CNTLN: variants seen among roughly 807,000 people sequenced by gnomAD.
CNTLN encodes centlein, centrosomal protein.
CNTLN carries 212 observed loss-of-function variants against 180.0 expected under a neutral mutation model. That is an observed-to-expected ratio of 1.18 (90% CI 1.05 to 1.32). The LOEUF is 1.32. Among genes scored for constraint, CNTLN ranks in the 40% most tolerant of loss-of-function variants. CNTLN has a pLI of 0.00. For missense variants in CNTLN, 2,095 were observed against 1,610.9 expected (o/e 1.30, Z -5.14); for synonymous variants, 722 against 563.1 (o/e 1.28, Z -3.99).
chr9:17,284,381 C>G (rs935219292), intron 6 of CNTLN, among the ~76,000 whole-genome samples: 1 of 152,146 alleles, frequency 6.6e-6, no homozygotes, highest in South Asian at 2.1e-4. Context: ...AGCTGTAAAT[C>G]CACTGGTCAT....
intron 18 of CNTLN, among the ~76,000 whole-genome samples, chr9:17,421,062 A>G (rs56285315): frequency 0.023 from 3,545 of 152,256 alleles, 60 homozygotes; most frequent in Non-Finnish European, 0.039. Flanking sequence ...TTCTGTAAAT[A>G]TCTATGAGGT....
chr9:17,380,897 C>T (rs974853473), intron 13 of CNTLN, among the ~76,000 whole-genome samples: 2 of 152,212 alleles, frequency 1.3e-5, no homozygotes, highest in African/African-American at 4.8e-5. Flanking sequence ...GTCAAGTCCA[C>T]TTCTGCTCCA....
At chr9:17,471,729 T>G (rs2499048) in intron 23 of CNTLN, among the ~76,000 whole-genome samples, 140,125 of 152,090 alleles carry the variant, frequency 0.92, 65,702 homozygotes, top group East Asian at 1. Context: ...CCCTTTGAGG[T>G]GGCTTTAGAG....
At chr9:17,362,888 A>C (rs1163612696) in intron 12 of CNTLN, among the ~76,000 whole-genome samples, 2 of 151,772 alleles carry the variant, frequency 1.3e-5, no homozygotes, top group Non-Finnish European at 2.9e-5. Flanking sequence ...TCCCTCCCCT[A>C]GTCCCCCATA....
intron 2 of CNTLN, among the ~76,000 whole-genome samples, chr9:17,201,306 G>C (rs1822509092): frequency 1.3e-5 from 2 of 152,006 alleles, no homozygotes; most frequent in African/African-American, 4.8e-5. Flanking sequence ...TTTTTTTGTT[G>C]TGTCTCTGCC....
At chr9:17,478,983 A>G (rs1832498804) in intron 23 of CNTLN, among the ~76,000 whole-genome samples, 1 of 152,218 alleles carries the variant, frequency 6.6e-6, no homozygotes, top group Non-Finnish European at 1.5e-5. Context: ...ATGCGAATCA[A>G]TGCCACAGTG....
At chr9:17,340,675 C>T in intron 10 of CNTLN, 152 bp from the exon 11 acceptor site, 1 of 530,474 alleles carries the variant, frequency 1.9e-6, no homozygotes, top group Non-Finnish European at 2.9e-6. Context: ...TAGAGAAATT[C>T]TTTTTTCTGC....
At chr9:17,351,010 T>C (rs1488448458) in intron 12 of CNTLN, among the ~76,000 whole-genome samples, 1 of 152,154 alleles carries the variant, frequency 6.6e-6, no homozygotes, top group East Asian at 1.9e-4. Flanking sequence ...GACAGAAAAA[T>C]CTAGGTAAAT....
chr9:17,234,202 A>G (rs1486642616), intron 3 of CNTLN, among the ~76,000 whole-genome samples: 1 of 152,156 alleles, frequency 6.6e-6, no homozygotes, highest in East Asian at 1.9e-4. Flanking sequence ...CACACCTGTT[A>G]TCTCAGCGGG....
chr9:17,249,792 T>A (rs376299171), intron 5 of CNTLN, among the ~76,000 whole-genome samples: 13 of 151,582 alleles, frequency 8.6e-5, no homozygotes, highest in African/African-American at 2.7e-4. Context: ...ATTTTATGGC[T>A]TAACTTATGG....
intron 23 of CNTLN, among the ~76,000 whole-genome samples, chr9:17,479,067 A>G (rs1832503043): frequency 6.6e-6 from 1 of 152,198 alleles, no homozygotes; most frequent in African/African-American, 2.4e-5. Flanking sequence ...GATGTGGTGT[A>G]ATTGGACCCT....
In CNTLN at chr9:17,486,490, C is replaced by T. The variant is rs12683727; in HGVS notation, c.4042-499C>T. 1.0e-3 allele frequency among the ~76,000 whole-genome samples: 154 copies of T among 152,160 alleles called. 2 individuals carry two copies. In the East Asian group the frequency reaches 0.023, roughly 23 times the overall value. On this transcript the variant is annotated intron_variant, in intron 24 of 25. Coordinates refer to ENST00000380647, the MANE Select transcript of CNTLN (RefSeq NM_017738.4). ...TATAGCACTTTAAGTTGGAGTGTCCCTGGCCTATCAGTAGATTATTGGATA... is the reference window on the plus strand; with the variant it reads ...TATAGCACTTTAAGTTGGAGTGTCCTTGGCCTATCAGTAGATTATTGGATA...
At chr9:17,296,403 A>T (rs942586872) in intron 6 of CNTLN, among the ~76,000 whole-genome samples, 3 of 152,108 alleles carry the variant, frequency 2.0e-5, no homozygotes, top group African/African-American at 7.2e-5. Context: ...GGGCCTTCTC[A>T]TTAAGAAATA....
At chr9:17,319,552 G>T (rs544604934) in intron 8 of CNTLN, among the ~76,000 whole-genome samples, 23 of 152,248 alleles carry the variant, frequency 1.5e-4, no homozygotes, top group African/African-American at 5.5e-4. Flanking sequence ...TAAAAACATA[G>T]ATTCTAGAGT....
At chr9:17,305,429 T>C (rs1254987327) in intron 7 of CNTLN, among the ~76,000 whole-genome samples, 2 of 152,070 alleles carry the variant, frequency 1.3e-5, no homozygotes, top group Non-Finnish European at 2.9e-5. Context: ...TAAGGAATCT[T>C]ATTGCTAATA....
chr9:17,487,423 G>A (rs967983510), intron 25 of CNTLN, among the ~76,000 whole-genome samples: 2 of 152,150 alleles, frequency 1.3e-5, no homozygotes, highest in Non-Finnish European at 2.9e-5. Flanking sequence ...GACACCTGAG[G>A]AGTTCATGGG....
the CNTLN span, among the ~76,000 whole-genome samples, chr9:17,513,627 G>A: frequency 6.6e-6 from 1 of 152,104 alleles, no homozygotes; most frequent in Non-Finnish European, 1.5e-5. Context: ...AACCCAGGAG[G>A]TTGAGGCTGC....
At chr9:17,176,857 TG>T (rs1442695814) in intron 2 of CNTLN, among the ~76,000 whole-genome samples, 1 of 152,202 alleles carries the variant, frequency 6.6e-6, no homozygotes, top group East Asian at 1.9e-4. Context: ...CAAATTTATG[TG>T]TATAGCGTTG....
intron 23 of CNTLN, among the ~76,000 whole-genome samples, chr9:17,468,025 T>C (rs991543125): frequency 2.0e-5 from 3 of 151,828 alleles, no homozygotes; most frequent in African/African-American, 7.2e-5. Flanking sequence ...ATTAAGAAAT[T>C]GTAGTACATA....
Sources: allele counts gnomAD v4.1 joint callset (sites outside exome capture counted in the v4.1 genomes callset), GRCh38; gene constraint gnomAD v4.1.1; transcripts MANE v1.5; gene names NCBI Gene and HGNC (gene_info 2026-07-23, HGNC 2026-07-21).